Variants in ODF1 observed in about 807,000 individuals in gnomAD.
ODF1 encodes outer dense fiber of sperm tails 1, also known as outer dense fiber protein 1.
Under a neutral mutation model 24.0 loss-of-function variants are expected in ODF1, and 10 were observed. The observed-to-expected ratio is 0.42, with a 90% CI of 0.26 to 0.71. The LOEUF (loss-of-function observed/expected upper bound fraction) is 0.71. Among genes scored for constraint, ODF1 ranks in the 30% least tolerant of loss-of-function variants. The pLI is 0.28. For synonymous variants in ODF1, 118 were observed against 121.3 expected (o/e 0.97, Z 0.18); for missense variants, 282 against 307.9 (o/e 0.92, Z 0.63).
In ODF1 at chr8:102,551,838, C is replaced by T. The variant is rs144503717; in HGVS notation, c.111C>T (p.Cys37=). 143 of 1,614,124 alleles carry T rather than the reference C, an allele frequency of 8.9e-5. No individual in the cohort carries two copies. Among genetic ancestry groups the T allele is most frequent in the African/African-American group, 6.0e-4 (45 of 75,010 alleles). Residue 37 remains cysteine, a synonymous_variant, in exon 1 of 2, where the codon TGC becomes TGT. Transcript: ENST00000285402. ...ACGAATTTAGCACACGGTGCCTGTG[C>T]GACTTGTATATGCACCCCTATTGCT... ...CIDEFSTRCL[C]DLYMHPYCCC...
intron 1 of ODF1, among the ~76,000 whole-genome samples, chr8:102,552,977 C>CAGATAGATAGATAGAT (rs71574062): frequency 2.2e-5 from 3 of 136,086 alleles, no homozygotes; most frequent in East Asian, 2.1e-4. Context: ...AGACAGATGA[C>CAGATAGATAGATAGAT]AGATAGATAG....
intron 1 of ODF1, among the ~76,000 whole-genome samples, chr8:102,557,513 G>T (rs917718352): frequency 3.9e-5 from 6 of 152,186 alleles, no homozygotes; most frequent in African/African-American, 1.4e-4. Flanking sequence ...CCAGAATAGA[G>T]AAAAAAGAGG....
intron 1 of ODF1, among the ~76,000 whole-genome samples, chr8:102,559,049 CA>C (rs200614583): frequency 0.39 from 48,397 of 124,766 alleles, 8,026 homozygotes; most frequent in Admixed American, 0.43. Context: ...CAGCACATTG[CA>C]AAAAAAAAAA....
intron 1 of ODF1, among the ~76,000 whole-genome samples, chr8:102,552,501 T>C (rs987453250): frequency 2.0e-5 from 3 of 152,054 alleles, no homozygotes; most frequent in African/African-American, 4.8e-5. Context: ...GGAGAGCAAA[T>C]TGAACAGTAG....
At position 102,552,019 on chromosome 8, in the gene ODF1, A is replaced by G. The variant is rs368784466; in HGVS notation, c.292A>G (p.Ile98Val). 6 of 1,599,038 alleles carry G rather than the reference A, an allele frequency of 3.8e-6. No individual in the cohort carries two copies. Among genetic ancestry groups the G allele is most frequent in the Non-Finnish European group, 3.4e-6 (4 of 1,168,806 alleles). ...RSLERKAIRA[I>V]EDEKRELAKL... ...TTTGGAGAGGAAAGCCATCAGAGCC[A>G]TAGAAGATGAGAAGCGAGAGCTTGC... Residue 98 changes from isoleucine to valine, a missense_variant, in exon 1 of 2, where the codon ATA (isoleucine) becomes GTA (valine). By Grantham distance (29) the Ile-to-Val change is conservative. Transcript: ENST00000285402.
At chr8:102,553,179 A>G (rs112358931) in intron 1 of ODF1, among the ~76,000 whole-genome samples, 5 of 145,612 alleles carry the variant, frequency 3.4e-5, no homozygotes, top group African/African-American at 7.7e-5. Context: ...CCTGGCTAAC[A>G]TGGTGAAACC....
chr8:102,554,427 T>C (rs1480974182), intron 1 of ODF1, among the ~76,000 whole-genome samples: 3 of 152,206 alleles, frequency 2.0e-5, no homozygotes, highest in African/African-American at 7.2e-5. Context: ...GTCCAGAAGG[T>C]TCTTTGCCCA....
At chr8:102,560,367 T>C in intron 1 of ODF1, 85 bp from the exon 2 acceptor site, 1 of 1,314,448 alleles carries the variant, frequency 7.6e-7, no homozygotes. Flanking sequence ...TTTCAAAAGC[T>C]AGAAATCAAA....
intron 1 of ODF1, among the ~76,000 whole-genome samples, chr8:102,559,173 T>C (rs1240862769): frequency 6.6e-6 from 1 of 151,516 alleles, no homozygotes; most frequent in East Asian, 1.9e-4. Flanking sequence ...ATTTTTATTG[T>C]CCCAGTTTTA....
At chr8:102,555,184 G>T (rs574029018) in intron 1 of ODF1, among the ~76,000 whole-genome samples, 1 of 152,188 alleles carries the variant, frequency 6.6e-6, no homozygotes, top group East Asian at 1.9e-4. Context: ...GACTGCATTG[G>T]TTTCCTTTGT....
intron 1 of ODF1, among the ~76,000 whole-genome samples, chr8:102,552,545 T>G (rs1262307820): frequency 3.3e-5 from 5 of 152,098 alleles, no homozygotes; most frequent in Admixed American, 6.6e-5. Flanking sequence ...AATATCATTC[T>G]CCTATCCCCC....
intron 1 of ODF1, among the ~76,000 whole-genome samples, chr8:102,555,121 C>T (rs1268729979): frequency 6.6e-6 from 1 of 152,134 alleles, no homozygotes; most frequent in Admixed American, 6.5e-5. Flanking sequence ...CCCCAAGAGG[C>T]AGGCAGTGTC....
intron 1 of ODF1, among the ~76,000 whole-genome samples, chr8:102,558,248 G>A (rs1318055647): frequency 1.3e-5 from 2 of 152,096 alleles, no homozygotes; most frequent in African/African-American, 4.8e-5. Context: ...TCAGGAGATC[G>A]AGACCATCCT....
At position 102,560,967 on chromosome 8, in the gene ODF1, T is replaced by C. The variant is rs1826178301; in HGVS notation, c.*83T>C. On this transcript the variant is annotated 3_prime_UTR_variant, in exon 2 of 2. Coordinates refer to ENST00000285402, the MANE Select transcript of ODF1 (RefSeq NM_024410.4). ...CCCAATGTTTCTCCTCTCCTTCCCA[T>C]GGCCCCTGTTGTTGAAGTACGTAGG... is the stretch of plus-strand genomic sequence containing the variant. 3.2e-6 allele frequency: 4 copies of C among 1,260,190 alleles called. No individual in the cohort carries two copies. Among genetic ancestry groups the C allele is most frequent in the Non-Finnish European group, 3.3e-6 (3 of 904,358 alleles). 78.1% of individuals were successfully genotyped at this position (1,260,190 alleles called of 1,614,324 possible).
rs766386466 is a variant in ODF1 at position 102,560,682 on chromosome 8, A to C, written c.551A>C (p.Lys184Thr). ...AGCTTGCCGCCCTGTGTGGATGAGA[A>C]GGATGTAACATACTCCTATGGGCTC... The part of the protein sequence containing the change: ...EFSLPPCVDE[K>T]DVTYSYGLGS... The change falls in exon 2 of 2, where the codon AAG (lysine) becomes ACG (threonine). Residue 184 changes from lysine to threonine, a missense_variant. Coordinates refer to ENST00000285402, the MANE Select transcript of ODF1 (RefSeq NM_024410.4). 3.1e-6 allele frequency: 5 copies of C among 1,614,142 alleles called. No individual in the cohort carries two copies. In the East Asian group the frequency reaches 1.1e-4, roughly 36 times the overall value.
chr8:102,553,208 A>AAT (rs1475153099), intron 1 of ODF1, among the ~76,000 whole-genome samples: 40 of 19,096 alleles, frequency 2.1e-3, no homozygotes, highest in Admixed American at 5.0e-3. Context: ...ACTAAATACA[A>AAT]AAAAAAAAAA....
At chr8:102,552,480 C>A (rs1826053736) in intron 1 of ODF1, among the ~76,000 whole-genome samples, 1 of 152,018 alleles carries the variant, frequency 6.6e-6, no homozygotes, top group Non-Finnish European at 1.5e-5. Context: ...GTGCCAGAGG[C>A]TTTACAAGCA....
At chr8:102,556,184 G>A (rs1826108537) in intron 1 of ODF1, among the ~76,000 whole-genome samples, 1 of 152,138 alleles carries the variant, frequency 6.6e-6, no homozygotes, top group East Asian at 1.9e-4. Context: ...ACAGAGTCAG[G>A]GGCCATGTTC....
At chr8:102,555,471 T>A (rs2436896) in intron 1 of ODF1, among the ~76,000 whole-genome samples, 2 of 152,094 alleles carry the variant, frequency 1.3e-5, no homozygotes, top group Non-Finnish European at 2.9e-5. Flanking sequence ...AAGTGTCTGT[T>A]GTTGGCACGA....
Sources: gnomAD v4.1 joint callset for allele counts (sites outside exome capture counted in the v4.1 genomes callset) on GRCh38, gnomAD v4.1.1 for gene constraint, MANE v1.5 for transcripts, NCBI Gene and HGNC (gene_info 2026-07-23, HGNC 2026-07-21) for gene names.